SVIL: variants seen among roughly 807,000 people sequenced by gnomAD.
SVIL encodes archvillin.
A neutral mutation model predicts 240.4 loss-of-function variants in SVIL; 101 were observed. The observed-to-expected ratio is 0.42, with a 90% CI of 0.36 to 0.50. SVIL has a LOEUF of 0.50. Among genes scored for constraint, SVIL ranks in the 20% least tolerant of loss-of-function variants. The pLI, the probability that SVIL is intolerant of heterozygous loss-of-function variation, is 0.01. For synonymous variants in SVIL, 999 were observed against 1,100.0 expected (o/e 0.91, Z 1.82); for missense variants, 2,512 against 2,818.7 (o/e 0.89, Z 2.46).
intron 26 of SVIL, among the ~76,000 whole-genome samples, chr10:29,485,104 C>T (rs773867272): frequency 3.0e-4 from 45 of 151,908 alleles, no homozygotes; most frequent in Admixed American, 5.2e-4. Flanking sequence ...TTACAACTTG[C>T]GATTCACAAG....
chr10:29,651,969 C>T (rs1958851264), intron 3 of SVIL, among the ~76,000 whole-genome samples: 1 of 152,084 alleles, frequency 6.6e-6, no homozygotes, highest in East Asian at 1.9e-4. Context: ...TCTCATCTAT[C>T]ATGAAGTGCT....
chr10:29,531,992 G>A lies in SVIL; in HGVS notation c.2009+10C>T, dbSNP rs375283770. ...TCCTGGATGAGGAAACTGCGCATAC[G>A]CATGCCTACCTATCCGATTCCTTTC... On this transcript the variant is annotated intron_variant, in intron 9 of 37. Coordinates refer to ENST00000355867, the MANE Select transcript of SVIL (RefSeq NM_021738.3). 8.1e-5 allele frequency: 131 copies of A among 1,613,916 alleles called. No homozygotes were observed. In the African/African-American group the frequency reaches 1.4e-3, roughly 17 times the overall value.
chr10:29,485,534 A>G (rs1947313142), intron 26 of SVIL, among the ~76,000 whole-genome samples: 1 of 152,196 alleles, frequency 6.6e-6, no homozygotes, highest in South Asian at 2.1e-4. Flanking sequence ...GTAAATGCCC[A>G]TACATGTCAC....
chr10:29,480,741 T>A lies in SVIL; in HGVS notation c.5173A>T (p.Thr1725Ser), dbSNP rs1946739817. 9.9e-6 allele frequency: 16 copies of A among 1,614,190 alleles called. No individual in the cohort carries two copies. Among genetic ancestry groups the A allele is most frequent in the Non-Finnish European group, 1.4e-5 (16 of 1,180,022 alleles). ...MVSMPQTTAG[T>S]ILDGVNVGRG... ...CCGACGTTCACTCCGTCCAGGATGG[T>A]GCCTGCTGTCGTCTGGGGCATGGAC... The change falls in exon 29 of 38, where the codon ACC (threonine) becomes TCC (serine). Residue 1725 changes from threonine (T) to serine (S), a missense_variant. Transcript: ENST00000355867.
chr10:29,658,470 G>A (rs1959068560), intron 2 of SVIL, among the ~76,000 whole-genome samples: 1 of 152,206 alleles, frequency 6.6e-6, no homozygotes, highest in South Asian at 2.1e-4. Flanking sequence ...TCCAAATATA[G>A]GGATGGCCAG....
At chr10:29,624,138 G>A (rs529645126) in intron 1 of SVIL, among the ~76,000 whole-genome samples, 1 of 147,562 alleles carries the variant, frequency 6.8e-6, no homozygotes, top group African/African-American at 2.5e-5. Context: ...TGAAAACAAT[G>A]GATGCTCTCC....
intron 3 of SVIL, among the ~76,000 whole-genome samples, chr10:29,646,808 G>A (rs1451402675): frequency 2.6e-5 from 4 of 152,158 alleles, no homozygotes; most frequent in Non-Finnish European, 5.9e-5. Context: ...CATCAGAGAA[G>A]CAACATCCTG....
At chr10:29,585,350 C>T (rs1454054972) in intron 1 of SVIL, among the ~76,000 whole-genome samples, 1 of 152,078 alleles carries the variant, frequency 6.6e-6, no homozygotes, top group South Asian at 2.1e-4. Flanking sequence ...GAGTGTGTCA[C>T]CATGCCCAGC....
chr10:29,526,216 G>C (rs910818099), intron 13 of SVIL, among the ~76,000 whole-genome samples: 8 of 151,880 alleles, frequency 5.3e-5, no homozygotes, highest in African/African-American at 1.7e-4. Context: ...TGTGTCTACA[G>C]GTGTTTGAAA....
intron 1 of SVIL, among the ~76,000 whole-genome samples, chr10:29,576,732 G>C (rs1452981283): frequency 6.6e-6 from 1 of 152,194 alleles, no homozygotes; most frequent in African/African-American, 2.4e-5. Context: ...TTTTGGTAGA[G>C]ATTGGGTCTT....
intron 14 of SVIL, 105 bp downstream of exon 14, chr10:29,524,367 C>T: frequency 6.5e-7 from 1 of 1,528,496 alleles, no homozygotes. Flanking sequence ...GTAGCAGTTT[C>T]CTGGTAGAGC....
Position 29,481,595 on chromosome 10 carries a change from C to G in SVIL, c.5089G>C (p.Ala1697Pro), listed in dbSNP as rs1221103298. 4 of 1,614,048 alleles carry G rather than the reference C, an allele frequency of 2.5e-6. No homozygotes were observed. In the African/African-American group the frequency reaches 5.3e-5, roughly 22 times the overall value. ...GGTCGCCGGAATACCTTGTGCTGGGCAAGTTCCCCGGGGTTCTTCTCATTC... is the reference window on the plus strand; with the variant it reads ...GGTCGCCGGAATACCTTGTGCTGGGGAAGTTCCCCGGGGTTCTTCTCATTC... ...RSNEKNPGELAQHKEDPRTDV... is the reference protein window; with the variant it reads ...RSNEKNPGELPQHKEDPRTDV... Residue 1697 changes from alanine to proline, a missense_variant, in exon 28 of 38, where the codon GCC becomes CCC. Ala to Pro is a conservative substitution (Grantham distance 27). Coordinates refer to ENST00000355867, the MANE Select transcript of SVIL (RefSeq NM_021738.3).
intron 1 of SVIL, among the ~76,000 whole-genome samples, chr10:29,633,061 G>A (rs925023495): frequency 4.3e-4 from 66 of 151,818 alleles, no homozygotes; most frequent in Admixed American, 3.3e-3. Context: ...GTGAAACCCC[G>A]TCTCTACTAA....
At chr10:29,564,393 G>A (rs946817446) in intron 2 of SVIL, among the ~76,000 whole-genome samples, 2 of 152,176 alleles carry the variant, frequency 1.3e-5, no homozygotes, top group Admixed American at 6.5e-5. Flanking sequence ...GGTCGGAGCG[G>A]GCAGGGCAGA....
At chr10:29,652,120 G>T (rs998990951) in intron 3 of SVIL, among the ~76,000 whole-genome samples, 2 of 151,938 alleles carry the variant, frequency 1.3e-5, no homozygotes, top group African/African-American at 4.8e-5. Flanking sequence ...ATATATTCAC[G>T]GAATTGTACG....
At chr10:29,523,418 C>A in intron 15 of SVIL, 33 bp downstream of exon 15, 1 of 1,539,300 alleles carries the variant, frequency 6.5e-7, no homozygotes, top group Non-Finnish European at 8.7e-7. Context: ...AACCCAGTGG[C>A]TTTCTAAAGC....
At chr10:29,502,059 TG>T (rs1455991782) in intron 17 of SVIL, among the ~76,000 whole-genome samples, 2 of 152,210 alleles carry the variant, frequency 1.3e-5, no homozygotes, top group Admixed American at 1.3e-4. Flanking sequence ...ATACAAACTT[TG>T]GGATGATACA....
rs942995091 is a variant in SVIL, at chr10:29,484,468, T to C, written c.4955+188A>G. Among the ~76,000 whole-genome samples the C allele has an allele frequency of 6.6e-6, 1 of 152,228 alleles. No homozygotes were observed. Among genetic ancestry groups the C allele is most frequent in the African/African-American group, 2.4e-5 (1 of 41,462 alleles). ...CTCTTCCAGAAGACTACGACATCCA[T>C]ATTTCTGCAATAGTTAGATAAAAGT... On this transcript the variant is annotated intron_variant, in intron 27 of 37. Transcript: ENST00000355867. This position sits in a 1 kb window ranked among gnomAD's most constrained non-coding sequence, Gnocchi z 4.7.
intron 16 of SVIL, among the ~76,000 whole-genome samples, chr10:29,519,927 A>G (rs1217780142): frequency 6.6e-6 from 1 of 152,238 alleles, no homozygotes; most frequent in Non-Finnish European, 1.5e-5. Flanking sequence ...GCCATCCTTG[A>G]ACGCCTTACA....
Sources: allele counts gnomAD v4.1 joint callset (sites outside exome capture counted in the v4.1 genomes callset), GRCh38; gene constraint gnomAD v4.1.1; non-coding constraint Gnocchi (gnomAD v3.1); transcripts MANE v1.5; gene names NCBI Gene and HGNC (gene_info 2026-07-23, HGNC 2026-07-21).